The following SDK1 variants were observed in gnomAD, a reference collection of about 807,000 sequenced individuals.
The protein encoded by SDK1 is sidekick cell adhesion molecule 1.
Under a neutral mutation model 245.5 loss-of-function variants are expected in SDK1, and 157 were observed. That is an observed-to-expected ratio of 0.64 (90% CI 0.56 to 0.73). The LOEUF (loss-of-function observed/expected upper bound fraction) is 0.73. SDK1 is among the 30% of genes least tolerant of loss of function. The pLI is 0.00. For synonymous variants in SDK1, 1,647 were observed against 1,278.5 expected (o/e 1.29, Z -6.15); for missense variants, 3,583 against 3,002.3 (o/e 1.19, Z -4.52).
chr7:3,645,777 G>A (rs35513976), intron 4 of SDK1, among the ~76,000 whole-genome samples: 34,851 of 152,094 alleles, frequency 0.23, 4,768 homozygotes, highest in Non-Finnish European at 0.31. Flanking sequence ...TACCCACAGA[G>A]ATGCCATTTA....
At chr7:4,216,411 C>T (rs1040437798) in intron 38 of SDK1, among the ~76,000 whole-genome samples, 2 of 152,192 alleles carry the variant, frequency 1.3e-5, no homozygotes, top group African/African-American at 4.8e-5. Flanking sequence ...CTCCCCGAGG[C>T]CCCTAGGAGA....
intron 1 of SDK1, among the ~76,000 whole-genome samples, chr7:3,371,294 G>T (rs1399361414): frequency 2.6e-5 from 4 of 152,094 alleles, no homozygotes; most frequent in African/African-American, 9.7e-5. Context: ...AGGAACATTA[G>T]ATCTAGATGG....
intron 44 of SDK1, among the ~76,000 whole-genome samples, chr7:4,248,045 T>C (rs543538645): frequency 2.0e-5 from 3 of 152,188 alleles, no homozygotes; most frequent in Admixed American, 1.3e-4. Flanking sequence ...GGTCTGTTTC[T>C]CCCCCCAACA....
At chr7:3,485,429 A>G (rs1781654970) in intron 1 of SDK1, among the ~76,000 whole-genome samples, 1 of 152,048 alleles carries the variant, frequency 6.6e-6, no homozygotes, top group African/African-American at 2.4e-5. Flanking sequence ...TTCCAATGCC[A>G]AGTCCCACAC....
At chr7:4,217,070 AGGCCACC>A (rs1784845762) in intron 38 of SDK1, among the ~76,000 whole-genome samples, 1 of 21,676 alleles carries the variant, frequency 4.6e-5, no homozygotes, top group East Asian at 1.2e-3. Flanking sequence ...CCGGAGCACC[AGGCCACC>A]CGGAGCACCA....
intron 19 of SDK1, among the ~76,000 whole-genome samples, chr7:4,059,189 AG>A (rs1779383653): frequency 6.6e-6 from 1 of 152,230 alleles, no homozygotes; most frequent in African/African-American, 2.4e-5. Context: ...ACCCAACTAT[AG>A]GCTGTGTACA....
intron 1 of SDK1, among the ~76,000 whole-genome samples, chr7:3,435,040 T>C (rs370161315): frequency 1.3e-5 from 2 of 152,366 alleles, no homozygotes; most frequent in Middle Eastern, 6.8e-3. Context: ...TACAAAGTTA[T>C]ATCCCAAAAG....
intron 5 of SDK1, among the ~76,000 whole-genome samples, chr7:3,932,556 G>A (rs1780014386): frequency 6.6e-6 from 1 of 152,200 alleles, no homozygotes; most frequent in South Asian, 2.1e-4. Context: ...GGGCAGACGG[G>A]AAAAGAAATA....
At position 3,426,061 on chromosome 7, in the gene SDK1, G is replaced by A. The variant is rs111442107; in HGVS notation, c.298+124177G>A. Among the ~76,000 whole-genome samples the A allele has an allele frequency of 1.2e-4, 19 of 152,294 alleles. 2 individuals carry two copies. The highest frequency in any genetic ancestry group is 4.1e-4 in the African/African-American group (17 of 41,566). Reference sequence around the variant, plus strand: ...TTATTTGTCTTCTCAGATATATGGCGTGTTCTTTATCTTCCCCTTGTTCCA... The same window carrying A: ...TTATTTGTCTTCTCAGATATATGGCATGTTCTTTATCTTCCCCTTGTTCCA... On this transcript the variant is annotated intron_variant, in intron 1 of 44. Transcript: ENST00000404826.
At chr7:3,687,807 G>T (rs1310489613) in intron 4 of SDK1, among the ~76,000 whole-genome samples, 1 of 152,146 alleles carries the variant, frequency 6.6e-6, no homozygotes, top group Non-Finnish European at 1.5e-5. Flanking sequence ...TGTCTTGACT[G>T]TGTTAATGTC....
At chr7:3,735,615 C>T (rs1437037519) in intron 4 of SDK1, among the ~76,000 whole-genome samples, 8 of 152,142 alleles carry the variant, frequency 5.3e-5, no homozygotes, top group African/African-American at 7.2e-5. Context: ...TGAATGATGC[C>T]GTTATGAACG....
intron 2 of SDK1, among the ~76,000 whole-genome samples, chr7:3,624,489 A>G (rs1782051006): frequency 6.6e-6 from 1 of 152,104 alleles, no homozygotes; most frequent in Admixed American, 6.5e-5. Context: ...GTAAGCCACC[A>G]CACCTGGCCT....
chr7:3,590,723 C>G (rs1780840185), intron 1 of SDK1, among the ~76,000 whole-genome samples: 2 of 151,888 alleles, frequency 1.3e-5, no homozygotes, highest in Admixed American at 6.6e-5. Flanking sequence ...GATAACAGAG[C>G]CTCACTGCTG....
chr7:3,568,753 C>T (rs1477917190), intron 1 of SDK1, among the ~76,000 whole-genome samples: 2 of 152,170 alleles, frequency 1.3e-5, no homozygotes, highest in Non-Finnish European at 1.5e-5. Context: ...AATGGTTTAT[C>T]CTGAGCTGAT....
intron 1 of SDK1, among the ~76,000 whole-genome samples, chr7:3,505,156 G>C (rs908905852): frequency 2.0e-4 from 31 of 152,020 alleles, no homozygotes; most frequent in African/African-American, 7.2e-4. Context: ...ATCTCTTTTA[G>C]GTCAATTGAA....
intron 5 of SDK1, among the ~76,000 whole-genome samples, chr7:3,937,443 G>A (rs772539849): frequency 2.6e-5 from 4 of 152,174 alleles, no homozygotes; most frequent in Admixed American, 1.3e-4. Context: ...CTGCAGAGGC[G>A]GGATCATCAG....
intron 23 of SDK1, among the ~76,000 whole-genome samples, 197 bp downstream of exon 23, chr7:4,110,969 G>A (rs919040146): frequency 2.0e-5 from 3 of 152,276 alleles, no homozygotes; most frequent in Middle Eastern, 6.8e-3. Context: ...ATAGGCAGAT[G>A]TTAGACTCAT....
chr7:4,080,961 G>A (rs1781017873), intron 22 of SDK1, among the ~76,000 whole-genome samples: 1 of 152,086 alleles, frequency 6.6e-6, no homozygotes, highest in African/African-American at 2.4e-5. Flanking sequence ...TTAAATATAG[G>A]ACAAGAATCA....
At chr7:3,913,702 G>A (rs1779267025) in intron 5 of SDK1, among the ~76,000 whole-genome samples, 1 of 152,048 alleles carries the variant, frequency 6.6e-6, no homozygotes, top group Non-Finnish European at 1.5e-5. Context: ...ACCCCCTTGA[G>A]TATGTTCACC....
Sources: allele counts gnomAD v4.1 joint callset (sites outside exome capture counted in the v4.1 genomes callset), GRCh38; gene constraint gnomAD v4.1.1; transcripts MANE v1.5; gene names NCBI Gene and HGNC (gene_info 2026-07-23, HGNC 2026-07-21).